JOSD1: variants seen among roughly 807,000 people sequenced by gnomAD.
The protein encoded by JOSD1 is Josephin domain containing 1.
JOSD1 carries 11 observed loss-of-function variants against 24.3 expected under a neutral mutation model. The observed-to-expected ratio is 0.45, with a 90% CI of 0.29 to 0.75. JOSD1 has a LOEUF of 0.75. JOSD1 is among the 30% of genes least tolerant of loss of function. The pLI, the probability that JOSD1 is intolerant of heterozygous loss-of-function variation, is 0.11. For synonymous variants in JOSD1, 106 were observed against 93.8 expected (o/e 1.13, Z -0.75); for missense variants, 184 against 253.5 (o/e 0.73, Z 1.86).
Position 38,686,174 on chromosome 22 carries a change from C to G in JOSD1, c.*1728G>C, listed in dbSNP as rs2092496920. 1 of 152,532 alleles carries G rather than the reference C, an allele frequency of 6.6e-6. No homozygotes were observed. Among genetic ancestry groups the G allele is most frequent in the African/African-American group, 2.4e-5 (1 of 41,416 alleles). 9.4% of individuals were successfully genotyped at this position (152,532 alleles called of 1,614,324 possible). On this transcript the variant is annotated 3_prime_UTR_variant, in exon 5 of 5. Transcript: ENST00000683374. ...GTGCAGAAGAGACTGCGGCCAGTTGCTGAGAAGATATAACGCAGTAGCCGC... is the reference window on the plus strand; with the variant it reads ...GTGCAGAAGAGACTGCGGCCAGTTGGTGAGAAGATATAACGCAGTAGCCGC...
rs1314682719 is a variant in JOSD1, at chr22:38,687,750, T to C, written c.*152A>G. ...AAACACTGAGTAGTTCTTATAACAG[T>C]CCACACGTCTGTCCTATTGCACTGT... On this transcript the variant is annotated 3_prime_UTR_variant, in exon 5 of 5. Transcript: ENST00000683374. 3.2e-6 allele frequency: 2 copies of C among 622,758 alleles called. No homozygotes were observed. The highest frequency in any genetic ancestry group is 2.9e-6 in the Non-Finnish European group (1 of 343,634). The allele number at this position is 622,758 out of a possible 1,614,324, so 38.6% of individuals were successfully genotyped here.
rs1191742157 is a variant in JOSD1, at chr22:38,700,431, T to G, written c.-444A>C. ...TCTTTTGAACCACGACGCCAATGACTCGGGAGACAAGGCCTGGGTGACGGA... is the reference window on the plus strand; with the variant it reads ...TCTTTTGAACCACGACGCCAATGACGCGGGAGACAAGGCCTGGGTGACGGA... On this transcript the variant is annotated 5_prime_UTR_variant, in exon 2 of 5. Coordinates refer to ENST00000683374, the MANE Select transcript of JOSD1 (RefSeq NM_001360236.2). The G allele has an allele frequency of 1.6e-5, 16 of 987,360 alleles. No individual in the cohort carries two copies. Among genetic ancestry groups the G allele is most frequent in the Non-Finnish European group, 1.9e-5 (16 of 831,296 alleles). The allele number at this position is 987,360 out of a possible 1,614,324, so 61.2% of individuals were successfully genotyped here.
Position 38,689,291 on chromosome 22 carries a change from A to T in JOSD1, c.314+5T>A, listed in dbSNP as rs1246282160. 1 of 1,614,104 alleles carries T rather than the reference A, an allele frequency of 6.2e-7. No homozygotes were observed. The highest frequency in any genetic ancestry group is 8.5e-7 in the Non-Finnish European group (1 of 1,180,048). ...CTCCATCAAGTCAAGCCTGATTCAG[A>T]TTACCTGCGCTTGTCCCACCAAACA... is the stretch of plus-strand genomic sequence containing the variant. On this transcript the variant is annotated splice_donor_5th_base_variant and intron_variant, in intron 3 of 4. Transcript: ENST00000683374.
chr22:38,687,959 G>C lies in JOSD1; in HGVS notation c.552C>G (p.Leu184=). 6.2e-7 allele frequency: 1 copy of C among 1,613,996 alleles called. No homozygotes were observed. The highest frequency in any genetic ancestry group is 8.5e-7 in the Non-Finnish European group (1 of 1,179,834). The change falls in exon 5 of 5, where the codon CTC becomes CTG. Residue 184 remains leucine (L), a synonymous_variant. Coordinates refer to ENST00000683374, the MANE Select transcript of JOSD1 (RefSeq NM_001360236.2). ...KHHLRGKNCE[L]LLVVPEEVEA... ...CTACCTCTTCTGGTACCACCAGCAG[G>C]AGTTCACAGTTCTTTCCTCGCAAAT... is the stretch of plus-strand genomic sequence containing the variant.
rs2092505691 is a variant in JOSD1 at position 38,688,015 on chromosome 22, GAT to G, written c.510-16_510-15del. ...TTTAGAAACTTCCTATGGAAAAAGAGATAGAGAAAATGAAATGCTGGCAAGTT... is the reference window on the plus strand; with the variant it reads ...TTTAGAAACTTCCTATGGAAAAAGAGAGAGAAAATGAAATGCTGGCAAGTT... On this transcript the variant is annotated splice_polypyrimidine_tract_variant and intron_variant, in intron 4 of 4. Transcript: ENST00000683374. The G allele has an allele frequency of 6.9e-6, 11 of 1,592,240 alleles. No homozygotes were observed. The highest frequency in any genetic ancestry group is 1.7e-5 in the Admixed American group (1 of 59,918).
chr22:38,697,391 G>C (rs1412654186), intron 2 of JOSD1, among the ~76,000 whole-genome samples: 1 of 152,226 alleles, frequency 6.6e-6, no homozygotes, highest in East Asian at 1.9e-4. Context: ...ATATTATGCT[G>C]CTAGAATTGG....
intron 2 of JOSD1, among the ~76,000 whole-genome samples, chr22:38,689,822 C>G (rs970453312): frequency 9.9e-5 from 15 of 151,790 alleles, no homozygotes; most frequent in African/African-American, 3.6e-4. Context: ...GGAGCCTAGA[C>G]AGGTGACATA....
intron 4 of JOSD1, 96 bp from the exon 5 acceptor site, chr22:38,688,097 C>T: frequency 1.3e-6 from 1 of 753,898 alleles, no homozygotes; most frequent in Non-Finnish European, 2.3e-6. Flanking sequence ...CTACCCTCGG[C>T]AGTCCAAAAC....
At chr22:38,697,645 A>G (rs1291211147) in intron 2 of JOSD1, among the ~76,000 whole-genome samples, 4 of 152,260 alleles carry the variant, frequency 2.6e-5, no homozygotes, top group Admixed American at 2.0e-4. Context: ...GAGAGCGGTT[A>G]GCGGGGCAGG....
chr22:38,700,250 C>G lies in JOSD1; in HGVS notation c.-263G>C. ...TGTCAAAGTGCAGAATTTAAAAAAA[C>G]ACATAAAATGTAAGACCTTGTTTCC... is the stretch of plus-strand genomic sequence containing the variant. On this transcript the variant is annotated 5_prime_UTR_variant, in exon 2 of 5. Coordinates refer to ENST00000683374, the MANE Select transcript of JOSD1 (RefSeq NM_001360236.2). 5.2e-6 allele frequency: 6 copies of G among 1,161,950 alleles called. No homozygotes were observed. Among genetic ancestry groups the G allele is most frequent in the South Asian group, 6.0e-5 (2 of 33,250 alleles). 72.0% of individuals were successfully genotyped at this position (1,161,950 alleles called of 1,614,324 possible). A position where few individuals can be genotyped will look rare whatever the true frequency, so the allele number is the denominator to read the frequency against.
chr22:38,692,707 G>C lies in JOSD1; in HGVS notation c.186-3283C>G, dbSNP rs2092528168. On this transcript the variant is annotated intron_variant, in intron 2 of 4. Coordinates refer to ENST00000683374, the MANE Select transcript of JOSD1 (RefSeq NM_001360236.2). Reference sequence around the variant, plus strand: ...GAGGCAGGAGGATCGCTTGAACCCGGGAGGCAGAGGTTGCAGTGAGCCAAG... The same window carrying C: ...GAGGCAGGAGGATCGCTTGAACCCGCGAGGCAGAGGTTGCAGTGAGCCAAG... Among the ~76,000 whole-genome samples the C allele has an allele frequency of 2.0e-5, 3 of 150,116 alleles. No individual in the cohort carries two copies. The South Asian group carries it at 6.3e-4, about 31-fold the overall frequency.
chr22:38,698,040 T>C (rs537101523), intron 2 of JOSD1, among the ~76,000 whole-genome samples: 2 of 152,352 alleles, frequency 1.3e-5, no homozygotes, highest in African/African-American at 4.8e-5. Flanking sequence ...TGTTCATACA[T>C]ATCACAAAGT....
chr22:38,693,985 G>A (rs540478833), intron 2 of JOSD1, among the ~76,000 whole-genome samples: 17 of 152,292 alleles, frequency 1.1e-4, no homozygotes, highest in African/African-American at 4.1e-4. Context: ...TTTCATATAT[G>A]TTCAATCAAA....
Position 38,700,191 on chromosome 22 carries a change from A to T in JOSD1, c.-204T>A, listed in dbSNP as rs1366608551. 19 of 1,260,096 alleles carry T rather than the reference A, an allele frequency of 1.5e-5. No homozygotes were observed. Among genetic ancestry groups the T allele is most frequent in the African/African-American group, 3.1e-5 (2 of 64,316 alleles). 78.1% of individuals were successfully genotyped at this position (1,260,096 alleles called of 1,614,324 possible). On this transcript the variant is annotated 5_prime_UTR_variant, in exon 2 of 5. Transcript: ENST00000683374. Reference sequence around the variant, plus strand: ...ACCTCTTCTCTCTTCTCAATAGAAAAATAACTTTTGGATTACTTTTATTTT... The same window carrying T: ...ACCTCTTCTCTCTTCTCAATAGAAATATAACTTTTGGATTACTTTTATTTT...
At chr22:38,690,978 A>C (rs2092519296) in intron 2 of JOSD1, among the ~76,000 whole-genome samples, 1 of 152,128 alleles carries the variant, frequency 6.6e-6, no homozygotes. Flanking sequence ...CGAACATAGG[A>C]GGCAGAGGCT....
chr22:38,696,482 T>C (rs1033520029), intron 2 of JOSD1, among the ~76,000 whole-genome samples: 15 of 152,106 alleles, frequency 9.9e-5, no homozygotes, highest in African/African-American at 3.1e-4. Context: ...TCAGGTGATG[T>C]GCCCACCTCT....
At chr22:38,700,945 C>A (rs540207049), upstream of JOSD1, 21 of 984,766 alleles carry the variant, frequency 2.1e-5, no homozygotes, top group Non-Finnish European at 2.5e-5. Context: ...CCAACTGGGC[C>A]GTGCGGGCGG....
At chr22:38,695,402 C>T (rs2092541014) in intron 2 of JOSD1, among the ~76,000 whole-genome samples, 1 of 150,384 alleles carries the variant, frequency 6.6e-6, no homozygotes, top group African/African-American at 2.4e-5. Context: ...TTCCAACTTT[C>T]ATTAGATTTT....
At chr22:38,689,571 A>C in intron 2 of JOSD1, 147 bp from the exon 3 acceptor site, 1 of 1,072,178 alleles carries the variant, frequency 9.3e-7, no homozygotes, top group Non-Finnish European at 1.3e-6. Flanking sequence ...GCTTCTACCT[A>C]AGTATTTTGT....
Sources: allele counts gnomAD v4.1 joint callset (sites outside exome capture counted in the v4.1 genomes callset), GRCh38; gene constraint gnomAD v4.1.1; transcripts MANE v1.5; gene names NCBI Gene and HGNC (gene_info 2026-07-23, HGNC 2026-07-21).